PPARGC1A: variants seen among roughly 807,000 people sequenced by gnomAD.
PPARGC1A encodes PPARG coactivator 1 alpha, also known as peroxisome proliferator-activated receptor gamma coactivator 1-alpha.
In PPARGC1A, 25 loss-of-function variants were observed where a neutral mutation model predicts 88.7. The ratio of observed to expected loss-of-function variants is 0.28; its 90% CI spans 0.21 to 0.39. The LOEUF is 0.39. Ranked by LOEUF, PPARGC1A falls within the 10% of genes least tolerant of loss-of-function variation. PPARGC1A has a pLI of 1.00. For synonymous variants in PPARGC1A, 363 were observed against 355.6 expected (o/e 1.02, Z -0.24); for missense variants, 880 against 968.7 (o/e 0.91, Z 1.22).
intron 2 of PPARGC1A, among the ~76,000 whole-genome samples, chr4:23,874,651 C>T (rs1481062842): frequency 6.6e-6 from 1 of 152,074 alleles, no homozygotes; most frequent in Non-Finnish European, 1.5e-5. Flanking sequence ...GGACTTTAAA[C>T]CTTGGTCATG....
chr4:24,437,657 G>C, the PPARGC1A span, among the ~76,000 whole-genome samples: 1 of 150,060 alleles, frequency 6.7e-6, no homozygotes, highest in Non-Finnish European at 1.5e-5. Context: ...GGTTTTTTGG[G>C]GGTTTTTTTC....
the PPARGC1A span, among the ~76,000 whole-genome samples, chr4:24,138,006 C>G: frequency 6.6e-6 from 1 of 152,148 alleles, no homozygotes; most frequent in Non-Finnish European, 1.5e-5. Flanking sequence ...ATGCGAGCCC[C>G]TGAAGAGCTC....
the PPARGC1A span, among the ~76,000 whole-genome samples, chr4:24,009,202 T>C: frequency 6.6e-6 from 1 of 151,716 alleles, no homozygotes; most frequent in Non-Finnish European, 1.5e-5. Flanking sequence ...TTATATCAAT[T>C]TTACATAATT....
chr4:24,104,497 G>A, the PPARGC1A span, among the ~76,000 whole-genome samples: 1 of 152,148 alleles, frequency 6.6e-6, no homozygotes, highest in East Asian at 1.9e-4. Context: ...CAGGCACAGT[G>A]CCAGGCAAAG....
At chr4:24,172,473 T>C in the PPARGC1A span, among the ~76,000 whole-genome samples, 1 of 152,212 alleles carries the variant, frequency 6.6e-6, no homozygotes, top group Non-Finnish European at 1.5e-5. Context: ...TGTCACCCTG[T>C]GTCTCAGGAA....
the PPARGC1A span, among the ~76,000 whole-genome samples, chr4:24,020,677 G>A: frequency 6.6e-6 from 1 of 151,988 alleles, no homozygotes; most frequent in Non-Finnish European, 1.5e-5. Flanking sequence ...AGTGGGGAGT[G>A]GGTGTTGAAG....
the PPARGC1A span, among the ~76,000 whole-genome samples, chr4:24,276,216 C>A: frequency 6.6e-6 from 1 of 152,272 alleles, no homozygotes. Flanking sequence ...AAAATGCCTA[C>A]CACTTGTTTT....
At chr4:23,869,188 G>A (rs1182232513) in intron 2 of PPARGC1A, among the ~76,000 whole-genome samples, 2 of 152,134 alleles carry the variant, frequency 1.3e-5, no homozygotes, top group African/African-American at 2.4e-5. Flanking sequence ...CTGCCTGGCT[G>A]TATCAGGGGC....
chr4:24,173,139 G>A, the PPARGC1A span, among the ~76,000 whole-genome samples: 3 of 152,184 alleles, frequency 2.0e-5, no homozygotes, highest in East Asian at 5.8e-4. Flanking sequence ...TCTGTCTTTT[G>A]AGGTACCCAG....
chr4:24,005,585 G>A, the PPARGC1A span, among the ~76,000 whole-genome samples: 1 of 152,116 alleles, frequency 6.6e-6, no homozygotes, highest in Non-Finnish European at 1.5e-5. Flanking sequence ...AGCGTTCACT[G>A]TCACATTATT....
the PPARGC1A span, among the ~76,000 whole-genome samples, chr4:24,437,679 T>C: frequency 1.3e-5 from 2 of 152,158 alleles, no homozygotes; most frequent in South Asian, 2.1e-4. Flanking sequence ...TTCTTTTTTT[T>C]TCTTTTCGAG....
chr4:24,224,585 G>A, the PPARGC1A span, among the ~76,000 whole-genome samples: 6 of 152,164 alleles, frequency 3.9e-5, no homozygotes, highest in East Asian at 5.8e-4. Flanking sequence ...TGTCTTATAC[G>A]GCAGGCAATT....
chr4:24,116,272 T>C, the PPARGC1A span, among the ~76,000 whole-genome samples: 1 of 152,216 alleles, frequency 6.6e-6, no homozygotes, highest in African/African-American at 2.4e-5. Flanking sequence ...GTCTGGGCGC[T>C]GGCTCTAGGC....
chr4:23,809,622 TTAA>T (rs1720497975), intron 10 of PPARGC1A, among the ~76,000 whole-genome samples: 1 of 152,216 alleles, frequency 6.6e-6, no homozygotes, highest in Non-Finnish European at 1.5e-5. Flanking sequence ...AAATTCAATG[TTAA>T]TAATATATTG....
At chr4:23,884,662 G>A in intron 2 of PPARGC1A, 90 bp downstream of exon 2, 1 of 1,126,642 alleles carries the variant, frequency 8.9e-7, no homozygotes, top group African/African-American at 1.6e-5. Flanking sequence ...AGCAAAGTAA[G>A]AACTCATTAT....
At chr4:24,022,950 T>A in the PPARGC1A span, among the ~76,000 whole-genome samples, 2 of 152,206 alleles carry the variant, frequency 1.3e-5, no homozygotes, top group East Asian at 3.9e-4. Context: ...ATAAGACATG[T>A]GCCTTAACCT....
At chr4:24,361,149 A>G in the PPARGC1A span, among the ~76,000 whole-genome samples, 1 of 152,194 alleles carries the variant, frequency 6.6e-6, no homozygotes, top group Non-Finnish European at 1.5e-5. Flanking sequence ...AGGGACAAGA[A>G]GGAAGAAGGA....
the PPARGC1A span, among the ~76,000 whole-genome samples, chr4:24,079,863 T>G: frequency 6.6e-6 from 1 of 152,060 alleles, no homozygotes. Context: ...TAAGCTCTTA[T>G]ATTCAATAGT....
At chr4:24,115,467 A>G in the PPARGC1A span, among the ~76,000 whole-genome samples, 12 of 152,080 alleles carry the variant, frequency 7.9e-5, no homozygotes, top group African/African-American at 2.9e-4. Context: ...GGCATACATC[A>G]CTCTGTGCAC....
Sources: gnomAD v4.1 joint callset for allele counts (sites outside exome capture counted in the v4.1 genomes callset) on GRCh38, gnomAD v4.1.1 for gene constraint, MANE v1.5 for transcripts, NCBI Gene and HGNC (gene_info 2026-07-23, HGNC 2026-07-21) for gene names.